FRAS1: variants seen among roughly 807,000 people sequenced by gnomAD.
FRAS1 encodes the protein extracellular matrix organizing protein FRAS1.
A neutral mutation model predicts 435.2 loss-of-function variants in FRAS1; 290 were observed. The observed-to-expected ratio is 0.67, with a 90% CI of 0.61 to 0.73. The LOEUF (loss-of-function observed/expected upper bound fraction) is 0.73. FRAS1 is among the 30% of genes least tolerant of loss of function. FRAS1 has a pLI of 0.00. For synonymous variants in FRAS1, 1,800 were observed against 1,851.0 expected (o/e 0.97, Z 0.71); for missense variants, 4,860 against 5,001.5 (o/e 0.97, Z 0.85).
At chr4:78,182,740 C>T (rs1241070745) in intron 2 of FRAS1, among the ~76,000 whole-genome samples, 2 of 151,876 alleles carry the variant, frequency 1.3e-5, no homozygotes, top group Admixed American at 1.3e-4. Context: ...ATTAGCTGGA[C>T]ATGGTGGCAC....
chr4:78,182,990 C>T (rs375636026), intron 2 of FRAS1, among the ~76,000 whole-genome samples: 1 of 151,656 alleles, frequency 6.6e-6, no homozygotes, highest in South Asian at 2.1e-4. Flanking sequence ...AACAGGAACT[C>T]AGGCTGAGAA....
intron 2 of FRAS1, among the ~76,000 whole-genome samples, chr4:78,137,285 G>T (rs941447314): frequency 1.3e-5 from 2 of 152,178 alleles, no homozygotes; most frequent in African/African-American, 2.4e-5. Context: ...TATAGACTCT[G>T]TTGGTTCCAG....
intron 32 of FRAS1, among the ~76,000 whole-genome samples, chr4:78,417,149 G>T (rs1331957541): frequency 6.6e-6 from 1 of 151,994 alleles, no homozygotes; most frequent in East Asian, 1.9e-4. Context: ...TTTCCTCATG[G>T]AATCAGTCCT....
At chr4:78,307,793 G>C (rs1728845144) in intron 14 of FRAS1, among the ~76,000 whole-genome samples, 1 of 152,170 alleles carries the variant, frequency 6.6e-6, no homozygotes, top group Admixed American at 6.5e-5. Flanking sequence ...ACCTCAGATG[G>C]AAATGCAGAA....
At chr4:78,401,045 C>T (rs1732872611) in intron 30 of FRAS1, among the ~76,000 whole-genome samples, 158 bp downstream of exon 30, 1 of 152,202 alleles carries the variant, frequency 6.6e-6, no homozygotes, top group African/African-American at 2.4e-5. Flanking sequence ...TGATAGCTAT[C>T]ACACTCAACA....
chr4:78,202,271 T>G (rs918982459), intron 2 of FRAS1, among the ~76,000 whole-genome samples: 1 of 152,198 alleles, frequency 6.6e-6, no homozygotes, highest in African/African-American at 2.4e-5. Context: ...TTTTAACCCC[T>G]GATTTCTCAA....
chr4:78,064,785 G>A (rs528377390), intron 1 of FRAS1, among the ~76,000 whole-genome samples: 5 of 151,882 alleles, frequency 3.3e-5, no homozygotes, highest in African/African-American at 1.2e-4. Context: ...TAATATTATT[G>A]GGACTTCATA....
intron 2 of FRAS1, among the ~76,000 whole-genome samples, chr4:78,208,708 GTTTA>G (rs1428168816): frequency 2.0e-5 from 3 of 151,930 alleles, no homozygotes; most frequent in Non-Finnish European, 4.4e-5. Flanking sequence ...AAACTTCATT[GTTTA>G]TTTACTTATA....
At chr4:78,328,351 T>A (rs904448524) in intron 18 of FRAS1, among the ~76,000 whole-genome samples, 4 of 152,182 alleles carry the variant, frequency 2.6e-5, no homozygotes, top group African/African-American at 9.7e-5. Context: ...GAGCTAGGGA[T>A]TTTAGCAATC....
intron 59 of FRAS1, among the ~76,000 whole-genome samples, chr4:78,490,935 G>C (rs1307801488): frequency 6.6e-6 from 1 of 151,312 alleles, no homozygotes; most frequent in Non-Finnish European, 1.5e-5. Context: ...AGAAAAGAGA[G>C]AATAATCAAA....
At chr4:78,521,432 C>G in intron 67 of FRAS1, 91 bp from the exon 68 acceptor site, 1 of 744,870 alleles carries the variant, frequency 1.3e-6, no homozygotes, top group Non-Finnish European at 2.3e-6. Flanking sequence ...TGCAGCTATA[C>G]TTGGAGGTGT....
intron 2 of FRAS1, among the ~76,000 whole-genome samples, chr4:78,220,852 CTTTCTTTTTA>C (rs1724021187): frequency 6.6e-6 from 1 of 151,708 alleles, no homozygotes; most frequent in African/African-American, 2.4e-5. Context: ...TTTTCTTTTT[CTTTCTTTTTA>C]AAGAAATTAA....
At chr4:78,413,232 T>C (rs1055028011) in intron 32 of FRAS1, 147 bp downstream of exon 32, 2 of 502,932 alleles carry the variant, frequency 4.0e-6, no homozygotes, top group Admixed American at 8.1e-5. Flanking sequence ...TGGTCACATT[T>C]CTCATTGACT....
At chr4:78,291,515 G>A (rs1727896665) in intron 14 of FRAS1, among the ~76,000 whole-genome samples, 1 of 152,178 alleles carries the variant, frequency 6.6e-6, no homozygotes, top group South Asian at 2.1e-4. Context: ...GTGCCTGGGG[G>A]TTGGGGACCG....
At chr4:78,429,903 G>T (rs1734146424) in intron 36 of FRAS1, among the ~76,000 whole-genome samples, 2 of 152,122 alleles carry the variant, frequency 1.3e-5, no homozygotes, top group Non-Finnish European at 2.9e-5. Flanking sequence ...TTGGCTCTTT[G>T]TAGCTTTAGA....
chr4:78,503,119 G>C (rs1242408316), intron 61 of FRAS1, among the ~76,000 whole-genome samples: 1 of 152,182 alleles, frequency 6.6e-6, no homozygotes, highest in Non-Finnish European at 1.5e-5. Context: ...CGATTCACCA[G>C]TATTTTATTG....
intron 9 of FRAS1, 93 bp downstream of exon 9, chr4:78,267,525 C>G: frequency 8.6e-7 from 1 of 1,165,272 alleles, no homozygotes; most frequent in Non-Finnish European, 1.2e-6. Flanking sequence ...TTGGCAGCAG[C>G]AGGGATGTCC....
chr4:78,214,826 G>A (rs1723683183), intron 2 of FRAS1, among the ~76,000 whole-genome samples: 1 of 152,174 alleles, frequency 6.6e-6, no homozygotes, highest in Admixed American at 6.5e-5. Context: ...GTCCTATCTT[G>A]ACAACCTTGG....
chr4:78,260,873 G>C (rs993202889), intron 6 of FRAS1, among the ~76,000 whole-genome samples: 5 of 152,134 alleles, frequency 3.3e-5, no homozygotes, highest in Non-Finnish European at 7.4e-5. Flanking sequence ...ACGTCTTTCA[G>C]AATATTTCTA....
Sources: allele counts gnomAD v4.1 joint callset (sites outside exome capture counted in the v4.1 genomes callset), GRCh38; gene constraint gnomAD v4.1.1; transcripts MANE v1.5; gene names NCBI Gene and HGNC (gene_info 2026-07-23, HGNC 2026-07-21).